The following PTPRT variants were observed in gnomAD, a reference collection of about 807,000 sequenced individuals.
PTPRT encodes receptor-type tyrosine-protein phosphatase T.
A neutral mutation model predicts 176.8 loss-of-function variants in PTPRT; 56 were observed. That is an observed-to-expected ratio of 0.32 (90% CI 0.26 to 0.40). PTPRT has a LOEUF of 0.40. PTPRT is among the 10% of genes least tolerant of loss of function. PTPRT has a pLI of 1.00. For missense variants in PTPRT, 1,540 were observed against 1,908.2 expected (o/e 0.81, Z 3.60); for synonymous variants, 783 against 739.0 (o/e 1.06, Z -0.96).
chr20:43,032,898 T>G (rs1331633523), intron 1 of PTPRT, among the ~76,000 whole-genome samples: 1 of 152,196 alleles, frequency 6.6e-6, no homozygotes, highest in African/African-American at 2.4e-5. Flanking sequence ...AAACGCATGA[T>G]GTGCGATACA....
chr20:42,243,448 G>A (rs1462063583), intron 14 of PTPRT, among the ~76,000 whole-genome samples: 2 of 152,204 alleles, frequency 1.3e-5, no homozygotes, highest in Non-Finnish European at 2.9e-5. Flanking sequence ...CCTGGGGCAG[G>A]AGGCTGGTGG....
rs189151545 is a variant in PTPRT at position 42,459,507 on chromosome 20, G to T, written c.1451-11178C>A. Among the ~76,000 whole-genome samples, 8 of 152,310 alleles carry T rather than the reference G, an allele frequency of 5.3e-5. No individual in the cohort carries two copies. The East Asian group carries it at 1.5e-3, about 29-fold the overall frequency. ...AGAGGCTGCTGCAATAATCTGGGGT[G>T]CAGAGCACAGTGGTTTGGACCTAAG... is the stretch of plus-strand genomic sequence containing the variant. On this transcript the variant is annotated intron_variant, in intron 8 of 30. Transcript: ENST00000373187.
At chr20:43,120,453 A>C (rs2013218070) in intron 1 of PTPRT, among the ~76,000 whole-genome samples, 1 of 152,124 alleles carries the variant, frequency 6.6e-6, no homozygotes, top group African/African-American at 2.4e-5. Flanking sequence ...TTGTATTTTT[A>C]GTAGAGACGG....
chr20:42,246,250 G>C (rs1210771984), intron 14 of PTPRT, among the ~76,000 whole-genome samples: 1 of 152,098 alleles, frequency 6.6e-6, no homozygotes, highest in Non-Finnish European at 1.5e-5. Context: ...TTGTAGGTTA[G>C]TGGAAAGAGT....
intron 2 of PTPRT, among the ~76,000 whole-genome samples, chr20:42,876,093 T>C (rs983348651): frequency 5.3e-5 from 8 of 152,084 alleles, no homozygotes; most frequent in African/African-American, 1.9e-4. Context: ...AACACATCAA[T>C]ATGTTAATGG....
intron 6 of PTPRT, among the ~76,000 whole-genome samples, chr20:42,690,700 T>A (rs1245351870): frequency 6.6e-6 from 1 of 152,212 alleles, no homozygotes; most frequent in Non-Finnish European, 1.5e-5. Flanking sequence ...ATATTCACTT[T>A]CACTTACAAA....
intron 7 of PTPRT, among the ~76,000 whole-genome samples, chr20:42,587,393 G>T (rs1016682081): frequency 6.6e-6 from 1 of 152,190 alleles, no homozygotes; most frequent in Non-Finnish European, 1.5e-5. Flanking sequence ...TGAACTAGCT[G>T]CACTCTGCCC....
chr20:42,830,818 T>C (rs754525153), intron 2 of PTPRT, among the ~76,000 whole-genome samples: 1 of 152,056 alleles, frequency 6.6e-6, no homozygotes, highest in Non-Finnish European at 1.5e-5. Flanking sequence ...ATAAAATACC[T>C]AGGAATACAG....
intron 9 of PTPRT, among the ~76,000 whole-genome samples, chr20:42,378,729 T>G (rs1040867600): frequency 1.1e-4 from 17 of 152,320 alleles, no homozygotes; most frequent in Middle Eastern, 3.4e-3. Context: ...ATTCCTCCAG[T>G]TACCAGTTTT....
chr20:42,104,986 G>A (rs1986296201), intron 24 of PTPRT, among the ~76,000 whole-genome samples: 1 of 152,106 alleles, frequency 6.6e-6, no homozygotes, highest in Admixed American at 6.5e-5. Flanking sequence ...GTCAGCAGGC[G>A]CTCTTGGTGT....
At chr20:42,448,391 G>T in intron 8 of PTPRT, 62 bp from the exon 9 acceptor site, 1 of 1,305,392 alleles carries the variant, frequency 7.7e-7, no homozygotes, top group Non-Finnish European at 1.1e-6. Flanking sequence ...CAGCCCCGCT[G>T]ACCTAGAACA....
At chr20:42,439,260 T>C (rs766702957) in intron 9 of PTPRT, among the ~76,000 whole-genome samples, 1 of 152,170 alleles carries the variant, frequency 6.6e-6, no homozygotes, top group Non-Finnish European at 1.5e-5. Context: ...GTTTTGTGTG[T>C]GCACATGTCT....
At chr20:42,655,609 T>C (rs1405423086) in intron 7 of PTPRT, among the ~76,000 whole-genome samples, 2 of 152,116 alleles carry the variant, frequency 1.3e-5, no homozygotes, top group Admixed American at 6.5e-5. Context: ...CATCTGTGAA[T>C]GGGAGAGTAA....
At chr20:42,389,410 T>C (rs896525721) in intron 9 of PTPRT, among the ~76,000 whole-genome samples, 1 of 152,208 alleles carries the variant, frequency 6.6e-6, no homozygotes, top group Admixed American at 6.5e-5. Context: ...GTTATTTGTA[T>C]GATTACTGCT....
intron 2 of PTPRT, among the ~76,000 whole-genome samples, chr20:42,826,126 G>A (rs1197625560): frequency 6.6e-6 from 1 of 152,014 alleles, no homozygotes; most frequent in Non-Finnish European, 1.5e-5. Flanking sequence ...TCTGTGGCCA[G>A]CTGAGAGGGG....
At chr20:42,545,993 C>T (rs1359272562) in intron 7 of PTPRT, among the ~76,000 whole-genome samples, 2 of 151,932 alleles carry the variant, frequency 1.3e-5, no homozygotes, top group Non-Finnish European at 2.9e-5. Context: ...AATAGTTATA[C>T]ATAATATTTC....
At chr20:42,505,304 T>A (rs1038499053) in intron 7 of PTPRT, among the ~76,000 whole-genome samples, 37 of 152,218 alleles carry the variant, frequency 2.4e-4, no homozygotes, top group African/African-American at 8.4e-4. Flanking sequence ...GTCTTTATTA[T>A]TATTATTGTT....
chr20:43,189,196 C>T lies in PTPRT; in HGVS notation c.88+450G>A, dbSNP rs960644374. ...AGAAAAGCCGCCGCCCCGGCAGCCT[C>T]GGCCTGCTGGGGACCTGTCCTCCCC... On this transcript the variant is annotated intron_variant, in intron 1 of 30. Coordinates refer to ENST00000373187, the MANE Select transcript of PTPRT (RefSeq NM_007050.6). The surrounding 1 kb of genome is among the most constrained non-coding windows in gnomAD (Gnocchi z 5.0). Among the ~76,000 whole-genome samples, 2 of 152,174 alleles carry T rather than the reference C, an allele frequency of 1.3e-5. No individual in the cohort carries two copies. The highest frequency in any genetic ancestry group is 1.3e-4 in the Admixed American group (2 of 15,284).
intron 5 of PTPRT, among the ~76,000 whole-genome samples, chr20:42,764,546 A>C (rs893503431): frequency 1.3e-4 from 20 of 152,216 alleles, no homozygotes; most frequent in African/African-American, 4.8e-4. Context: ...AGTGTAACCC[A>C]AGGTGACAGG....
Sources: allele counts gnomAD v4.1 joint callset (sites outside exome capture counted in the v4.1 genomes callset), GRCh38; gene constraint gnomAD v4.1.1; non-coding constraint Gnocchi (gnomAD v3.1); transcripts MANE v1.5; gene names NCBI Gene and HGNC (gene_info 2026-07-23, HGNC 2026-07-21).